Variants in KHDRBS3 observed in about 807,000 individuals in gnomAD.
The protein encoded by KHDRBS3 is KH domain-containing, RNA-binding, signal transduction-associated protein 3.
A neutral mutation model predicts 45.6 loss-of-function variants in KHDRBS3; 23 were observed. The observed-to-expected ratio is 0.50, with a 90% confidence interval of 0.36 to 0.72. The LOEUF (loss-of-function observed/expected upper bound fraction) is 0.72. KHDRBS3 is among the 30% of genes least tolerant of loss of function. The probability of loss-of-function intolerance (pLI) is 0.00; values close to 1 mark genes in which losing one functional copy is unlikely to be tolerated. For missense variants in KHDRBS3, 352 were observed against 424.8 expected (o/e 0.83, Z 1.51); for synonymous variants, 162 against 156.5 (o/e 1.04, Z -0.26).
At position 135,457,887 on chromosome 8, in the gene KHDRBS3, C is replaced by A. The variant is rs766533874; in HGVS notation, c.21C>A (p.Pro7=). The part of the protein sequence containing the change: MEEKYL[P]ELMAEKDSLD... ...CGAGCATGGAGGAGAAGTACCTGCCCGAGCTGATGGCGGAGAAGGACTCCC... is the reference window on the plus strand; with the variant it reads ...CGAGCATGGAGGAGAAGTACCTGCCAGAGCTGATGGCGGAGAAGGACTCCC... The change falls in exon 1 of 9, where the codon CCC becomes CCA. Residue 7 remains proline, a synonymous_variant. Transcript: ENST00000355849. This position sits in a 1 kb window ranked among gnomAD's most constrained non-coding sequence, Gnocchi z 4.4. 5 of 1,598,140 alleles carry A rather than the reference C, an allele frequency of 3.1e-6. No homozygotes were observed. In the African/African-American group the frequency reaches 4.1e-5, roughly 13 times the overall value.
At chr8:135,470,460 C>G (rs1821958225) in intron 1 of KHDRBS3, among the ~76,000 whole-genome samples, 1 of 151,974 alleles carries the variant, frequency 6.6e-6, no homozygotes, top group Non-Finnish European at 1.5e-5. Context: ...TACACGGTTT[C>G]TAATAGCTTC....
intron 5 of KHDRBS3, among the ~76,000 whole-genome samples, chr8:135,577,313 G>A (rs1279232413): frequency 6.6e-6 from 1 of 152,132 alleles, no homozygotes; most frequent in African/African-American, 2.4e-5. Flanking sequence ...TGTGCTGTGA[G>A]GTTGTTTGGG....
intron 7 of KHDRBS3, among the ~76,000 whole-genome samples, chr8:135,637,013 A>G (rs1163211650): frequency 6.6e-6 from 1 of 152,200 alleles, no homozygotes; most frequent in African/African-American, 2.4e-5. Context: ...GACCAAGGAA[A>G]AGCCAAAATT....
intron 5 of KHDRBS3, among the ~76,000 whole-genome samples, chr8:135,577,142 C>CATTTCTA: frequency 6.6e-6 from 1 of 152,006 alleles, no homozygotes; most frequent in South Asian, 2.1e-4. Context: ...AGACTTCTCT[C>CATTTCTA]ATTTCTAAGT....
chr8:135,548,989 T>C lies in KHDRBS3; in HGVS notation c.471+89T>C, dbSNP rs1826450112. ...TTCTTGTCTGTAACTGTTATTTGCA[T>C]AGCTCCTTTTCTGCTGTAAAGCTGT... On this transcript the variant is annotated intron_variant, in intron 4 of 8. Transcript: ENST00000355849. 1.4e-5 allele frequency: 12 copies of C among 883,664 alleles called. No homozygotes were observed. In the South Asian group the frequency reaches 3.2e-4, roughly 24 times the overall value. 54.7% of individuals were successfully genotyped at this position (883,664 alleles called of 1,614,324 possible).
intron 7 of KHDRBS3, among the ~76,000 whole-genome samples, chr8:135,612,651 G>A (rs894359733): frequency 3.3e-5 from 5 of 151,850 alleles, no homozygotes; most frequent in African/African-American, 1.2e-4. Context: ...TACAGTTATA[G>A]TTCAGTATTA....
intron 7 of KHDRBS3, among the ~76,000 whole-genome samples, chr8:135,642,396 T>C (rs1441475534): frequency 6.6e-6 from 1 of 152,188 alleles, no homozygotes; most frequent in East Asian, 1.9e-4. Context: ...CTCATGCACA[T>C]GAGAAGTTGT....
At chr8:135,528,745 G>A (rs1032631933) in intron 2 of KHDRBS3, among the ~76,000 whole-genome samples, 1 of 152,176 alleles carries the variant, frequency 6.6e-6, no homozygotes, top group Admixed American at 6.5e-5. Flanking sequence ...CCTGCATTTG[G>A]TGTGTGGTGG....
At chr8:135,603,726 C>A (rs1395704459) in intron 6 of KHDRBS3, among the ~76,000 whole-genome samples, 1 of 151,908 alleles carries the variant, frequency 6.6e-6, no homozygotes, top group Non-Finnish European at 1.5e-5. Context: ...CAGCACCATC[C>A]CTTCATATTA....
intron 1 of KHDRBS3, among the ~76,000 whole-genome samples, chr8:135,480,791 G>T (rs2130313466): frequency 6.6e-6 from 1 of 152,184 alleles, no homozygotes; most frequent in Non-Finnish European, 1.5e-5. Context: ...ATTTTCTTAA[G>T]TCGTCAGAAA....
chr8:135,546,738 G>A (rs1399868355), intron 3 of KHDRBS3, among the ~76,000 whole-genome samples: 1 of 152,110 alleles, frequency 6.6e-6, no homozygotes. Context: ...TAAGATGAGG[G>A]TAATGTAATC....
At chr8:135,492,371 T>C (rs868440036) in intron 1 of KHDRBS3, among the ~76,000 whole-genome samples, 2 of 152,212 alleles carry the variant, frequency 1.3e-5, no homozygotes, top group Middle Eastern at 3.4e-3. Context: ...CTAATCAAGA[T>C]AGAGACAGCT....
chr8:135,579,688 G>A (rs1381339138), intron 5 of KHDRBS3, among the ~76,000 whole-genome samples: 1 of 152,150 alleles, frequency 6.6e-6, no homozygotes, highest in African/African-American at 2.4e-5. Context: ...ATGAATGAAT[G>A]TCGCCATTGG....
At chr8:135,633,386 G>C (rs936945366) in intron 7 of KHDRBS3, among the ~76,000 whole-genome samples, 1 of 152,184 alleles carries the variant, frequency 6.6e-6, no homozygotes, top group African/African-American at 2.4e-5. Flanking sequence ...TTAACAACAA[G>C]GCTTCACTGC....
intron 1 of KHDRBS3, among the ~76,000 whole-genome samples, chr8:135,488,833 A>G (rs1822997451): frequency 1.3e-5 from 2 of 152,372 alleles, no homozygotes; most frequent in South Asian, 2.1e-4. Flanking sequence ...GTCAGCATCA[A>G]GGTAGTTCCT....
At chr8:135,514,100 T>G (rs1340877793) in intron 1 of KHDRBS3, among the ~76,000 whole-genome samples, 2 of 152,338 alleles carry the variant, frequency 1.3e-5, no homozygotes, top group Non-Finnish European at 2.9e-5. Flanking sequence ...CAAGCTGTTC[T>G]CTATACATTG....
intron 7 of KHDRBS3, among the ~76,000 whole-genome samples, chr8:135,620,323 A>G (rs1431805131): frequency 1.3e-5 from 2 of 151,916 alleles, no homozygotes; most frequent in African/African-American, 2.4e-5. Context: ...CTGGTCTTGA[A>G]CTTTTGAGTT....
chr8:135,505,145 A>G (rs1198090265), intron 1 of KHDRBS3, among the ~76,000 whole-genome samples: 1 of 152,230 alleles, frequency 6.6e-6, no homozygotes, highest in Admixed American at 6.5e-5. Flanking sequence ...GTTTTCCAAA[A>G]AGCAATATTG....
At chr8:135,640,118 G>A (rs1171438133) in intron 7 of KHDRBS3, among the ~76,000 whole-genome samples, 1 of 152,102 alleles carries the variant, frequency 6.6e-6, no homozygotes, top group Non-Finnish European at 1.5e-5. Flanking sequence ...AATTCCAGAG[G>A]GTGCAGTGAC....
Sources: allele counts gnomAD v4.1 joint callset (sites outside exome capture counted in the v4.1 genomes callset), GRCh38; gene constraint gnomAD v4.1.1; non-coding constraint Gnocchi (gnomAD v3.1); transcripts MANE v1.5; gene names NCBI Gene and HGNC (gene_info 2026-07-23, HGNC 2026-07-21).